Variants in SPAG16 observed in about 807,000 individuals in gnomAD.
SPAG16 encodes the protein sperm-associated antigen 16 protein.
In SPAG16, 86 loss-of-function variants were observed where a neutral mutation model predicts 80.4. That is an observed-to-expected ratio of 1.07 (90% confidence interval 0.90 to 1.28). The LOEUF (loss-of-function observed/expected upper bound fraction) is 1.28, where lower values mean the gene tolerates loss of function less well. SPAG16 is among the 50% of genes most tolerant of loss of function. The probability of loss-of-function intolerance (pLI) is 0.00; values close to 1 mark genes in which losing one functional copy is unlikely to be tolerated. For synonymous variants in SPAG16, 294 were observed against 265.9 expected (o/e 1.11, Z -1.03); for missense variants, 870 against 765.3 (o/e 1.14, Z -1.61).
intron 9 of SPAG16, among the ~76,000 whole-genome samples, chr2:213,424,960 A>G (rs980090376): frequency 1.3e-5 from 2 of 152,188 alleles, no homozygotes; most frequent in Admixed American, 1.3e-4. Context: ...TGTTGTATTC[A>G]CTGTCAGGAG....
chr2:214,165,281 T>C (rs1404114208), intron 15 of SPAG16, among the ~76,000 whole-genome samples: 1 of 151,992 alleles, frequency 6.6e-6, no homozygotes, highest in Non-Finnish European at 1.5e-5. Context: ...AACTTTGAAG[T>C]AATGTGAAAT....
chr2:213,700,016 G>A (rs1286030983), intron 10 of SPAG16, among the ~76,000 whole-genome samples: 3 of 152,110 alleles, frequency 2.0e-5, no homozygotes, highest in Non-Finnish European at 4.4e-5. Context: ...GCAATAGTAG[G>A]CTATGATTCC....
intron 10 of SPAG16, among the ~76,000 whole-genome samples, chr2:213,630,182 G>C (rs1336511865): frequency 6.6e-6 from 1 of 152,142 alleles, no homozygotes; most frequent in Non-Finnish European, 1.5e-5. Context: ...TCAGGAGTTG[G>C]AGACCAGCCT....
intron 15 of SPAG16, among the ~76,000 whole-genome samples, chr2:214,184,240 A>G (rs1272550235): frequency 6.6e-6 from 1 of 152,174 alleles, no homozygotes; most frequent in African/African-American, 2.4e-5. Context: ...TTCTTGGTAT[A>G]CCATTTAAAT....
chr2:213,530,192 T>C (rs1399800091), intron 10 of SPAG16, among the ~76,000 whole-genome samples: 1 of 152,210 alleles, frequency 6.6e-6, no homozygotes, highest in Middle Eastern at 3.2e-3. Flanking sequence ...AATAAATATA[T>C]AAACCAGCAA....
chr2:214,033,118 C>A (rs2048505432), intron 13 of SPAG16, among the ~76,000 whole-genome samples: 1 of 152,078 alleles, frequency 6.6e-6, no homozygotes, highest in Non-Finnish European at 1.5e-5. Flanking sequence ...GCAGAGGGAA[C>A]CAAATTAAGG....
intron 10 of SPAG16, among the ~76,000 whole-genome samples, chr2:213,562,862 T>C (rs2059637818): frequency 1.3e-5 from 2 of 152,100 alleles, no homozygotes. Flanking sequence ...CTTTTCTCTG[T>C]CCTCACGTGG....
chr2:213,987,942 G>A (rs189471733), intron 12 of SPAG16, among the ~76,000 whole-genome samples: 64 of 150,416 alleles, frequency 4.3e-4, no homozygotes, highest in African/African-American at 1.3e-3. Context: ...ATTAGAGTGC[G>A]TTATAACAAA....
At chr2:213,762,411 A>G (rs1440132095) in intron 10 of SPAG16, among the ~76,000 whole-genome samples, 1 of 152,190 alleles carries the variant, frequency 6.6e-6, no homozygotes, top group Non-Finnish European at 1.5e-5. Context: ...ACAACAAAAA[A>G]CAAACAGTAT....
chr2:213,781,867 T>G (rs1159980399), intron 10 of SPAG16, among the ~76,000 whole-genome samples: 1 of 152,176 alleles, frequency 6.6e-6, no homozygotes, highest in East Asian at 1.9e-4. Context: ...TAATCAAAAT[T>G]TAAATTACTG....
At chr2:213,486,649 T>C (rs1343270207) in intron 9 of SPAG16, among the ~76,000 whole-genome samples, 2 of 152,088 alleles carry the variant, frequency 1.3e-5, no homozygotes. Context: ...ACTTCTTTTA[T>C]TATTGGTACT....
chr2:213,755,429 G>A (rs1033504237), intron 10 of SPAG16, among the ~76,000 whole-genome samples: 24 of 152,084 alleles, frequency 1.6e-4, no homozygotes, highest in Admixed American at 1.0e-3. Flanking sequence ...TCCTGGTAGA[G>A]ACATCATTTC....
intron 10 of SPAG16, among the ~76,000 whole-genome samples, chr2:213,785,298 ATAT>A (rs1222586378): frequency 6.6e-6 from 1 of 152,158 alleles, no homozygotes; most frequent in Non-Finnish European, 1.5e-5. Context: ...TAAAATTAAA[ATAT>A]TATTTTATGA....
At chr2:213,438,533 C>A (rs1199343237) in intron 9 of SPAG16, among the ~76,000 whole-genome samples, 1 of 152,190 alleles carries the variant, frequency 6.6e-6, no homozygotes, top group African/African-American at 2.4e-5. Flanking sequence ...GACAATGTTA[C>A]CCACAAAGCT....
chr2:214,091,173 C>T (rs2052172764), intron 13 of SPAG16, among the ~76,000 whole-genome samples: 1 of 152,026 alleles, frequency 6.6e-6, no homozygotes, highest in Non-Finnish European at 1.5e-5. Flanking sequence ...TCTTCCATTC[C>T]TTTTTCCTTG....
chr2:213,985,495 G>T (rs1326131092), intron 12 of SPAG16, among the ~76,000 whole-genome samples: 1 of 152,026 alleles, frequency 6.6e-6, no homozygotes, highest in East Asian at 1.9e-4. Flanking sequence ...ACTTTTTGTT[G>T]TAGCAGTAGG....
intron 15 of SPAG16, among the ~76,000 whole-genome samples, chr2:214,370,593 T>A (rs1210053206): frequency 6.6e-6 from 1 of 152,066 alleles, no homozygotes; most frequent in Non-Finnish European, 1.5e-5. Flanking sequence ...GTGAGAACAT[T>A]TAAGGTCTAC....
intron 12 of SPAG16, among the ~76,000 whole-genome samples, chr2:213,950,702 C>CTTTTTTTTT (rs59353089): frequency 2.0e-5 from 2 of 99,726 alleles, no homozygotes; most frequent in African/African-American, 4.0e-5. Context: ...TTTTTTCTTT[C>CTTTTTTTTT]TTTTTTTTTT....
At chr2:214,336,387 A>G (rs1697289245) in intron 15 of SPAG16, among the ~76,000 whole-genome samples, 1 of 152,220 alleles carries the variant, frequency 6.6e-6, no homozygotes. Flanking sequence ...TGGAGTTAAA[A>G]TTAAATAGGT....
Sources: gnomAD v4.1 joint callset for allele counts (sites outside exome capture counted in the v4.1 genomes callset) on GRCh38, gnomAD v4.1.1 for gene constraint, MANE v1.5 for transcripts, NCBI Gene and HGNC (gene_info 2026-07-23, HGNC 2026-07-21) for gene names.